The following KIF15 variants were observed in gnomAD, a reference collection of about 807,000 sequenced individuals.
The protein encoded by KIF15 is kinesin family member 15.
KIF15 carries 140 observed loss-of-function variants against 190.6 expected under a neutral mutation model. The observed-to-expected ratio is 0.73, with a 90% CI of 0.64 to 0.84. The LOEUF (loss-of-function observed/expected upper bound fraction) is 0.84, where lower values mean the gene tolerates loss of function less well. Ranked by LOEUF, KIF15 falls within the 40% of genes least tolerant of loss-of-function variation. The probability of loss-of-function intolerance (pLI) is 0.00; values close to 1 mark genes in which losing one functional copy is unlikely to be tolerated. For missense variants in KIF15, 1,372 were observed against 1,584.4 expected, an observed-to-expected ratio of 0.87 and a Z score of 2.28; for synonymous variants, 528 against 551.3, an observed-to-expected ratio of 0.96 and a Z score of 0.59.
intron 5 of KIF15, among the ~76,000 whole-genome samples, chr3:44,782,474 T>C (rs894358168): frequency 2.0e-5 from 3 of 152,264 alleles, no homozygotes; most frequent in Non-Finnish European, 4.4e-5. Context: ...ACTTACAGTA[T>C]GCCCAGCACT....
At chr3:44,762,915 C>T (rs2125885549) in intron 1 of KIF15, among the ~76,000 whole-genome samples, 1 of 152,286 alleles carries the variant, frequency 6.6e-6, no homozygotes, top group African/African-American at 2.4e-5. Context: ...TCTGAACAAT[C>T]ATACTGTTTG....
chr3:44,820,505 C>A (rs1224676516), intron 20 of KIF15, among the ~76,000 whole-genome samples: 2 of 152,104 alleles, frequency 1.3e-5, no homozygotes, highest in Non-Finnish European at 2.9e-5. Flanking sequence ...CGGCCTTCCG[C>A]AGTGTTTGTG....
chr3:44,773,002 C>T (rs1705706507), intron 1 of KIF15, among the ~76,000 whole-genome samples: 1 of 152,064 alleles, frequency 6.6e-6, no homozygotes, highest in Non-Finnish European at 1.5e-5. Context: ...TCTGACAGAG[C>T]CATACAGAAA....
At chr3:44,814,679 G>A (rs1707947712) in intron 19 of KIF15, among the ~76,000 whole-genome samples, 1 of 152,088 alleles carries the variant, frequency 6.6e-6, no homozygotes, top group Admixed American at 6.5e-5. Flanking sequence ...TGTAAGTCAG[G>A]GACAGATGTT....
At position 44,843,109 on chromosome 3, in the gene KIF15, G is replaced by T. The variant is rs770076257; in HGVS notation, c.3586-16G>T. On this transcript the variant is annotated splice_polypyrimidine_tract_variant and intron_variant, in intron 29 of 34. Coordinates refer to ENST00000326047, the MANE Select transcript of KIF15 (RefSeq NM_020242.3). Reference sequence around the variant, plus strand: ...TGTAATGTGTTTTTTGAAAAGATACGATTTGATGTTATTAGGAGCAGTTGC... The same window carrying T: ...TGTAATGTGTTTTTTGAAAAGATACTATTTGATGTTATTAGGAGCAGTTGC... The T allele has an allele frequency of 6.3e-7, 1 of 1,583,736 alleles. No homozygotes were observed. Among genetic ancestry groups the T allele is most frequent in the Non-Finnish European group, 8.6e-7 (1 of 1,157,048 alleles).
intron 20 of KIF15, among the ~76,000 whole-genome samples, chr3:44,819,963 C>G (rs1024927815): frequency 3.0e-4 from 46 of 152,266 alleles, no homozygotes; most frequent in Middle Eastern, 6.8e-3. Context: ...GGATAGTTAG[C>G]TCTTTTTGTT....
At chr3:44,847,678 T>C (rs1698908982) in intron 30 of KIF15, among the ~76,000 whole-genome samples, 1 of 152,230 alleles carries the variant, frequency 6.6e-6, no homozygotes, top group Admixed American at 6.5e-5. Flanking sequence ...GATCTTCAGA[T>C]GTTACCACTT....
chr3:44,800,376 C>T lies in KIF15; in HGVS notation c.1161C>T (p.Leu387=). Residue 387 remains leucine, a synonymous_variant, in exon 11 of 35, where the codon CTC becomes CTT. Transcript: ENST00000326047. The part of the protein sequence containing the change: ...VSQLQAEVKR[L]KEQLAELASG... ...AGCTCCAAGCTGAAGTGAAGAGGCT[C>T]AAAGAACAACTGGCGGAGCTTGCTT... 2 of 1,614,178 alleles carry T rather than the reference C, an allele frequency of 1.2e-6. No individual in the cohort carries two copies. The highest frequency in any genetic ancestry group is 1.7e-6 in the Non-Finnish European group (2 of 1,180,028).
chr3:44,779,821 GA>G (rs397875811), intron 4 of KIF15, among the ~76,000 whole-genome samples: 59,772 of 99,914 alleles, frequency 0.6, 15,440 homozygotes, highest in East Asian at 0.84. Flanking sequence ...GTGACAGAGT[GA>G]AAAAAAAAAA....
At chr3:44,833,115 T>C (rs1326913485) in intron 26 of KIF15, among the ~76,000 whole-genome samples, 2 of 150,868 alleles carry the variant, frequency 1.3e-5, no homozygotes, top group East Asian at 2.0e-4. Context: ...GGCTACGGAG[T>C]TGGAATTCTA....
chr3:44,839,888 G>A (rs559337145), intron 27 of KIF15, among the ~76,000 whole-genome samples: 1 of 152,256 alleles, frequency 6.6e-6, no homozygotes, highest in South Asian at 2.1e-4. Flanking sequence ...GTATTTCATT[G>A]TGTATATATA....
At chr3:44,766,780 TTTAA>T (rs1432021846) in intron 1 of KIF15, among the ~76,000 whole-genome samples, 9 of 151,894 alleles carry the variant, frequency 5.9e-5, no homozygotes, top group Non-Finnish European at 1.3e-4. Context: ...TTCCAGAGGC[TTTAA>T]TTTTCTTTTC....
chr3:44,814,960 CAAG>C lies in KIF15; in HGVS notation c.2434_2436del (p.Lys812del). ...TGCGAGTAGTCCTTCATTCTGCTGA[CAAG>C]GAGCTTTCTTCAGTGAAATTGGAAT... On this transcript the variant is annotated inframe_deletion, in exon 20 of 35. Transcript: ENST00000326047. 6.2e-7 allele frequency: 1 copy of C among 1,612,584 alleles called. No individual in the cohort carries two copies. The highest frequency in any genetic ancestry group is 1.3e-5 in the African/African-American group (1 of 74,904).
chr3:44,788,563 T>TC (rs1706521303), intron 7 of KIF15, among the ~76,000 whole-genome samples: 1 of 152,000 alleles, frequency 6.6e-6, no homozygotes, highest in Admixed American at 6.6e-5. Context: ...TAACAGATCC[T>TC]CCCACCTCAG....
rs951902669 is a variant in KIF15 at position 44,810,794 on chromosome 3, A to G, written c.1972-52A>G. ...CTCTCTATTCACAAAATTATTAAAT[A>G]TGCCCTTTTTAAATATGTGCTAATG... On this transcript the variant is annotated intron_variant, in intron 16 of 34. Coordinates refer to ENST00000326047, the MANE Select transcript of KIF15 (RefSeq NM_020242.3). 18 of 1,394,102 alleles carry G rather than the reference A, an allele frequency of 1.3e-5. No homozygotes were observed. In the East Asian group the frequency reaches 1.8e-4, roughly 14 times the overall value. The allele number at this position is 1,394,102 out of a possible 1,614,324, so 86.4% of individuals were successfully genotyped here.
chr3:44,811,146 G>C, intron 17 of KIF15, 103 bp downstream of exon 17: 2 of 831,796 alleles, frequency 2.4e-6, no homozygotes, highest in Non-Finnish European at 3.6e-6. Context: ...AAAGTGCTTA[G>C]TATTAAAATC....
At chr3:44,786,661 A>G in intron 7 of KIF15, 87 bp downstream of exon 7, 1 of 1,063,366 alleles carries the variant, frequency 9.4e-7, no homozygotes, top group Non-Finnish European at 1.3e-6. Flanking sequence ...CAATTGAGGT[A>G]CCAAAAATAT....
Position 44,853,061 on chromosome 3 carries a change from C to A in KIF15, c.*326C>A. On this transcript the variant is annotated 3_prime_UTR_variant, in exon 35 of 35. Coordinates refer to ENST00000326047, the MANE Select transcript of KIF15 (RefSeq NM_020242.3). ...CAGATCATTTTCTTCTTAGATTATG[C>A]CATAATCTCCTTTGATTCTTATGGA... 5.7e-6 allele frequency: 1 copy of A among 176,242 alleles called. No homozygotes were observed. The highest frequency in any genetic ancestry group is 1.2e-5 in the Non-Finnish European group (1 of 84,532). 10.9% of individuals were successfully genotyped at this position (176,242 alleles called of 1,614,324 possible). A position where few individuals can be genotyped will look rare whatever the true frequency, so the allele number is the denominator to read the frequency against.
chr3:44,771,903 C>T (rs750976208), intron 1 of KIF15, among the ~76,000 whole-genome samples: 1 of 152,180 alleles, frequency 6.6e-6, no homozygotes, highest in Non-Finnish European at 1.5e-5. Flanking sequence ...TAATTCAAAA[C>T]AGTCCTTTAA....
Sources: gnomAD v4.1 joint callset for allele counts (sites outside exome capture counted in the v4.1 genomes callset) on GRCh38, gnomAD v4.1.1 for gene constraint, MANE v1.5 for transcripts, NCBI Gene and HGNC (gene_info 2026-07-23, HGNC 2026-07-21) for gene names.